Variants in CCSER1 observed in about 807,000 individuals in gnomAD.
CCSER1 encodes serine-rich coiled-coil domain-containing protein 1.
In CCSER1, 41 loss-of-function variants were observed where a neutral mutation model predicts 82.0. The observed-to-expected ratio is 0.50, with a 90% CI of 0.39 to 0.65. CCSER1 has a LOEUF of 0.65. Ranked by LOEUF, CCSER1 falls within the 30% of genes least tolerant of loss-of-function variation. The pLI is 0.00. For missense variants in CCSER1, 1,119 were observed against 1,064.2 expected, an observed-to-expected ratio of 1.05 and a Z score of -0.72; for synonymous variants, 414 against 383.9, an observed-to-expected ratio of 1.08 and a Z score of -0.92.
intron 6 of CCSER1, among the ~76,000 whole-genome samples, chr4:90,637,544 G>T (rs1215016376): frequency 6.6e-6 from 1 of 152,054 alleles, no homozygotes; most frequent in Non-Finnish European, 1.5e-5. Flanking sequence ...CCTCTCATAT[G>T]CAAAGTACAC....
intron 3 of CCSER1, among the ~76,000 whole-genome samples, chr4:90,333,142 G>T (rs1739639938): frequency 6.6e-6 from 1 of 152,136 alleles, no homozygotes; most frequent in African/African-American, 2.4e-5. Context: ...ATGTCAGGGG[G>T]TGCAAAATGT....
intron 9 of CCSER1, among the ~76,000 whole-genome samples, chr4:91,084,802 G>A (rs927163499): frequency 2.6e-5 from 4 of 152,000 alleles, no homozygotes; most frequent in Admixed American, 1.3e-4. Flanking sequence ...TAAAGCTACT[G>A]TTTAAAATAA....
chr4:91,553,927 T>G (rs921675857), intron 10 of CCSER1, among the ~76,000 whole-genome samples: 1 of 151,210 alleles, frequency 6.6e-6, no homozygotes, highest in African/African-American at 2.4e-5. Context: ...TTATTTTTTC[T>G]TCTAATTTTC....
chr4:90,440,594 G>A (rs1324273497), intron 4 of CCSER1, among the ~76,000 whole-genome samples: 3 of 152,194 alleles, frequency 2.0e-5, no homozygotes, highest in Non-Finnish European at 2.9e-5. Flanking sequence ...TGTTCTTGCA[G>A]AATTATTGTT....
chr4:91,508,078 T>C (rs1358500215), intron 10 of CCSER1, among the ~76,000 whole-genome samples: 1 of 149,106 alleles, frequency 6.7e-6, no homozygotes, highest in Non-Finnish European at 1.5e-5. Flanking sequence ...TTTTTTTTTC[T>C]TGCCCAAGTT....
chr4:90,331,185 ATTTTTTTCTT>A (rs1001770744), intron 3 of CCSER1, among the ~76,000 whole-genome samples: 29 of 152,066 alleles, frequency 1.9e-4, no homozygotes, highest in South Asian at 4.1e-4. Flanking sequence ...CACTAAAAAT[ATTTTTTTCTT>A]TTTTTTTCTT....
At chr4:90,861,928 T>TA (rs1561265442) in intron 8 of CCSER1, among the ~76,000 whole-genome samples, 3,014 of 109,208 alleles carry the variant, frequency 0.028, 47 homozygotes, top group Middle Eastern at 0.057. Flanking sequence ...ATATATATAT[T>TA]TTTTTTTTCT....
intron 1 of CCSER1, among the ~76,000 whole-genome samples, chr4:90,175,468 A>G (rs929616340): frequency 1.3e-5 from 2 of 151,982 alleles, no homozygotes; most frequent in African/African-American, 2.4e-5. Context: ...ACAGGTGCCT[A>G]TACAGATTGG....
chr4:90,231,026 T>C (rs901807989), intron 1 of CCSER1, among the ~76,000 whole-genome samples: 11 of 152,240 alleles, frequency 7.2e-5, no homozygotes. Flanking sequence ...GATTCACAGC[T>C]GAATTCTACC....
chr4:90,228,099 C>T (rs1352030953), intron 1 of CCSER1, among the ~76,000 whole-genome samples: 6 of 152,228 alleles, frequency 3.9e-5, no homozygotes, highest in Non-Finnish European at 8.8e-5. Flanking sequence ...AGCCGGGAAG[C>T]TCCAACTGGG....
At chr4:90,586,088 C>A (rs150562976) in intron 5 of CCSER1, among the ~76,000 whole-genome samples, 44 of 152,256 alleles carry the variant, frequency 2.9e-4, no homozygotes, top group Non-Finnish European at 4.9e-4. Context: ...AGGAACCGGG[C>A]TGCACAGCAG....
Position 90,308,527 on chromosome 4 carries a change from G to C in CCSER1, c.243G>C (p.Glu81Asp), listed in dbSNP as rs768562667. The C allele has an allele frequency of 1.2e-6, 2 of 1,613,878 alleles. No homozygotes were observed. The highest frequency in any genetic ancestry group is 2.2e-5 in the East Asian group (1 of 44,866). The change falls in exon 2 of 11, where the codon GAG becomes GAC. Residue 81 changes from glutamate to aspartate, a missense_variant. Coordinates refer to ENST00000509176, the MANE Select transcript of CCSER1 (RefSeq NM_001145065.2). ...AGAAGGGGAGTGAGCCTAAGCAAGA[G>C]CCTACCAACCAGAACCTTAGTATTT... ...HHKKGSEPKQ[E>D]PTNQNLSISN...
chr4:91,471,505 G>A (rs1045875141), intron 10 of CCSER1, among the ~76,000 whole-genome samples: 2 of 152,068 alleles, frequency 1.3e-5, no homozygotes, highest in Non-Finnish European at 2.9e-5. Flanking sequence ...GAGGTAATAT[G>A]GATAGGCTAT....
At chr4:90,650,382 CTTAA>C (rs944910570) in intron 6 of CCSER1, among the ~76,000 whole-genome samples, 2 of 151,882 alleles carry the variant, frequency 1.3e-5, no homozygotes, top group Non-Finnish European at 2.9e-5. Context: ...AAAGGAAGTT[CTTAA>C]TTAAGGAAAG....
chr4:90,822,448 G>A (rs1404937233), intron 8 of CCSER1, among the ~76,000 whole-genome samples: 1 of 152,094 alleles, frequency 6.6e-6, no homozygotes, highest in Admixed American at 6.6e-5. Flanking sequence ...ATGTGTTTTG[G>A]CTGGGCCTGG....
chr4:90,200,428 C>G (rs1390604058), intron 1 of CCSER1, among the ~76,000 whole-genome samples: 1 of 151,736 alleles, frequency 6.6e-6, no homozygotes, highest in African/African-American at 2.4e-5. Flanking sequence ...AGATATTTTT[C>G]CTTATTTAGA....
rs530718719 is a variant in CCSER1, at chr4:91,510,429, G to A, written c.2218-88143G>A. On this transcript the variant is annotated intron_variant, in intron 10 of 10. Transcript: ENST00000509176. ...CTTCAAATTGCTTTCCACGGTGGCC[G>A]AACTAACTTAAATTCTCACCAGTAT... is the stretch of plus-strand genomic sequence containing the variant. Among the ~76,000 whole-genome samples, 79 of 152,186 alleles carry A rather than the reference G, an allele frequency of 5.2e-4. 2 individuals carry two copies. The East Asian group carries it at 7.0e-3, about 13-fold the overall frequency.
intron 10 of CCSER1, among the ~76,000 whole-genome samples, chr4:91,401,365 A>G (rs1043486010): frequency 2.7e-5 from 4 of 148,322 alleles, no homozygotes; most frequent in African/African-American, 9.8e-5. Flanking sequence ...TATACTATAT[A>G]TTATATATAA....
At chr4:90,753,224 A>C (rs1748980342) in intron 7 of CCSER1, among the ~76,000 whole-genome samples, 2 of 152,140 alleles carry the variant, frequency 1.3e-5, no homozygotes, top group African/African-American at 4.8e-5. Flanking sequence ...GATCCTTTGT[A>C]GATTCCCCTG....
Sources: gnomAD v4.1 joint callset for allele counts (sites outside exome capture counted in the v4.1 genomes callset) on GRCh38, gnomAD v4.1.1 for gene constraint, MANE v1.5 for transcripts, NCBI Gene and HGNC (gene_info 2026-07-23, HGNC 2026-07-21) for gene names.